CIZ1: variants seen among roughly 807,000 people sequenced by gnomAD.
The protein encoded by CIZ1 is cip1-interacting zinc finger protein.
CIZ1 carries 58 observed loss-of-function variants against 118.6 expected under a neutral mutation model. That is an observed-to-expected ratio of 0.49 (90% CI 0.40 to 0.61). The LOEUF is 0.61. CIZ1 is among the 20% of genes least tolerant of loss of function. The probability of loss-of-function intolerance (pLI) is 0.00; values close to 1 mark genes in which losing one functional copy is unlikely to be tolerated. For missense variants in CIZ1, 921 were observed against 1,115.9 expected (o/e 0.83, Z 2.49); for synonymous variants, 448 against 443.4 (o/e 1.01, Z -0.13).
At chr9:128,169,794 C>A (rs1829911235) in intron 12 of CIZ1, 11 of 1,334,002 alleles carry the variant, frequency 8.2e-6, no homozygotes, top group Middle Eastern at 2.4e-4. Context: ...CCCCTGTGAG[C>A]CCCGTGGCTG....
chr9:128,166,364 C>T lies in CIZ1; in HGVS notation c.2530G>A (p.Val844Met). The change falls in exon 17 of 17, where the codon GTG becomes ATG. Residue 844 changes from valine to methionine, a missense_variant. Transcript: ENST00000372938. The surrounding 1 kb of genome is among the most constrained non-coding windows in gnomAD (Gnocchi z 4.4). ...GCGTTGATTGCGCACCGGCGGCTCA[C>T]AGGTCGGGTGGTGGGGCTGGGGTTC... ...AKNPSPTTRPVSRRCAINARN... is the reference protein window; with the variant it reads ...AKNPSPTTRPMSRRCAINARN... The T allele has an allele frequency of 6.4e-7, 1 of 1,559,914 alleles. No homozygotes were observed. Among genetic ancestry groups the T allele is most frequent in the Non-Finnish European group, 8.7e-7 (1 of 1,151,552 alleles).
At chr9:128,187,541 A>G (rs1197485459) in intron 4 of CIZ1, among the ~76,000 whole-genome samples, 1 of 152,228 alleles carries the variant, frequency 6.6e-6, no homozygotes, top group Non-Finnish European at 1.5e-5. Flanking sequence ...TGAGTATTCA[A>G]TGAGATATAC....
intron 7 of CIZ1, 31 bp downstream of exon 7, chr9:128,180,384 G>T: frequency 2.6e-6 from 4 of 1,543,022 alleles, no homozygotes; most frequent in South Asian, 1.1e-5. Flanking sequence ...CAGGGCACCC[G>T]GGCGCAGGTC....
chr9:128,183,058 T>C (rs1413032385), intron 5 of CIZ1, among the ~76,000 whole-genome samples: 1 of 152,130 alleles, frequency 6.6e-6, no homozygotes, highest in African/African-American at 2.4e-5. Context: ...TGCAGGGGCT[T>C]CCAGATGTCT....
chr9:128,181,404 A>C (rs1256367795), intron 5 of CIZ1, among the ~76,000 whole-genome samples: 2 of 152,268 alleles, frequency 1.3e-5, no homozygotes, highest in African/African-American at 2.4e-5. Flanking sequence ...GTATAATAAA[A>C]TATAAAACAA....
chr9:128,201,524 A>G (rs1328956581), intron 1 of CIZ1, among the ~76,000 whole-genome samples: 2 of 152,218 alleles, frequency 1.3e-5, no homozygotes, highest in African/African-American at 4.8e-5. Flanking sequence ...AAACATCTAT[A>G]AACTGCACCC....
intron 4 of CIZ1, 66 bp from the exon 5 acceptor site, chr9:128,185,842 C>G: frequency 9.3e-7 from 1 of 1,071,758 alleles, no homozygotes; most frequent in South Asian, 1.3e-5. Context: ...TAGGGTCAGG[C>G]ATCAGTGCCC....
intron 1 of CIZ1, chr9:128,196,988 A>G (rs1833392479): frequency 6.6e-6 from 1 of 152,176 alleles, no homozygotes; most frequent in Non-Finnish European, 1.5e-5. Flanking sequence ...TATGGTAGCT[A>G]TTATTGCTAT....
intron 11 of CIZ1, among the ~76,000 whole-genome samples, chr9:128,173,142 T>C (rs1162404677): frequency 2.9e-5 from 4 of 136,164 alleles, no homozygotes; most frequent in African/African-American, 5.6e-5. Context: ...TTTCTTTTTT[T>C]TTTTTTTTTT....
At chr9:128,192,107 C>A (rs1168638150), upstream of CIZ1, among the ~76,000 whole-genome samples, 1 of 152,038 alleles carries the variant, frequency 6.6e-6, no homozygotes, top group African/African-American at 2.4e-5. Flanking sequence ...CAAAAAATAG[C>A]CCTAGGGGCC....
At position 128,179,305 on chromosome 9, in the gene CIZ1, T is replaced by A; in HGVS notation, c.902A>T (p.Glu301Val). ...TGGCAGCACTTGGGCTTCCAGGGCC[T>A]CAGGCAGCAGGTCTGGTGTCTGTGT... ...KQTQTPDLLP[E>V]ALEAQVLPRF... The change falls in exon 8 of 17, where the codon GAG (glutamate) becomes GTG (valine). Residue 301 changes from glutamate to valine, a missense_variant. Coordinates refer to ENST00000372938, the MANE Select transcript of CIZ1 (RefSeq NM_001131016.2). 1 of 1,614,124 alleles carries A rather than the reference T, an allele frequency of 6.2e-7. No individual in the cohort carries two copies. The highest frequency in any genetic ancestry group is 8.5e-7 in the Non-Finnish European group (1 of 1,180,024).
rs1829432380 is a variant in CIZ1 at position 128,166,446 on chromosome 9, C to G, written c.2488-40G>C. ...TGCAGGTAAGGTCAGGGTCTCCTCC[C>G]TACATGGTATGCTCCTGGCCAGCAG... is the stretch of plus-strand genomic sequence containing the variant. On this transcript the variant is annotated intron_variant, in intron 16 of 16. Coordinates refer to ENST00000372938, the MANE Select transcript of CIZ1 (RefSeq NM_001131016.2). The surrounding 1 kb of genome is among the most constrained non-coding windows in gnomAD (Gnocchi z 4.4). 7.0e-7 allele frequency: 1 copy of G among 1,433,132 alleles called. No individual in the cohort carries two copies. The highest frequency in any genetic ancestry group is 9.4e-7 in the Non-Finnish European group (1 of 1,061,342). 88.8% of individuals were successfully genotyped at this position (1,433,132 alleles called of 1,614,324 possible). A position where few individuals can be genotyped will look rare whatever the true frequency, so the allele number is the denominator to read the frequency against.
Position 128,179,361 on chromosome 9 carries a change from C to A in CIZ1, c.846G>T (p.Gln282His). Reference protein sequence around the residue: ...EPPGQLQVKAQPQARMTVPKQ... With the variant: ...EPPGQLQVKAHPQARMTVPKQ... ...TCGGTACTGTCATCCGGGCCTGCGG[C>A]TGGGCCTTCACCTGTAACTGCCCTG... is the stretch of plus-strand genomic sequence containing the variant. The change falls in exon 8 of 17, where the codon CAG (glutamine) becomes CAT (histidine). Residue 282 changes from glutamine to histidine, a missense_variant. Coordinates refer to ENST00000372938, the MANE Select transcript of CIZ1 (RefSeq NM_001131016.2). 1 of 1,613,794 alleles carries A rather than the reference C, an allele frequency of 6.2e-7. No homozygotes were observed. Among genetic ancestry groups the A allele is most frequent in the Non-Finnish European group, 8.5e-7 (1 of 1,179,854 alleles).
chr9:128,184,678 A>T (rs913342666), intron 5 of CIZ1, among the ~76,000 whole-genome samples: 2 of 150,342 alleles, frequency 1.3e-5, no homozygotes, highest in Non-Finnish European at 3.0e-5. Context: ...TTATTTATTT[A>T]TTTTTTGAGA....
chr9:128,174,338 G>A (rs10987909), intron 11 of CIZ1, among the ~76,000 whole-genome samples: 2 of 152,028 alleles, frequency 1.3e-5, no homozygotes, highest in African/African-American at 2.4e-5. Context: ...TTCTGCTACC[G>A]CAGACACAGG....
chr9:128,179,871 C>T (rs1208429901), intron 7 of CIZ1, among the ~76,000 whole-genome samples: 1 of 151,694 alleles, frequency 6.6e-6, no homozygotes, highest in African/African-American at 2.4e-5. Flanking sequence ...GGGGTTTCTC[C>T]ATGTTGGTCA....
chr9:128,195,778 T>A (rs1588281132), upstream of CIZ1, among the ~76,000 whole-genome samples: 1 of 152,178 alleles, frequency 6.6e-6, no homozygotes, highest in Non-Finnish European at 1.5e-5. Context: ...CTTTAAAAAA[T>A]TTTTGCTAAT....
At chr9:128,185,934 G>A (rs1832308527) in intron 4 of CIZ1, among the ~76,000 whole-genome samples, 158 bp from the exon 5 acceptor site, 3 of 152,160 alleles carry the variant, frequency 2.0e-5, no homozygotes, top group African/African-American at 7.2e-5. Flanking sequence ...TGAGAGCTGA[G>A]GCTCAGCCCC....
chr9:128,186,456 C>G (rs1832386117), intron 4 of CIZ1, among the ~76,000 whole-genome samples: 1 of 152,190 alleles, frequency 6.6e-6, no homozygotes, highest in South Asian at 2.1e-4. Flanking sequence ...CCCAATCTGA[C>G]TTTCCCGCTC....
Sources: allele counts gnomAD v4.1 joint callset (sites outside exome capture counted in the v4.1 genomes callset), GRCh38; gene constraint gnomAD v4.1.1; non-coding constraint Gnocchi (gnomAD v3.1); transcripts MANE v1.5; gene names NCBI Gene and HGNC (gene_info 2026-07-23, HGNC 2026-07-21).